LDB2: variants seen among roughly 807,000 people sequenced by gnomAD.
The protein encoded by LDB2 is LIM domain-binding protein 2.
LDB2 carries 12 observed loss-of-function variants against 44.3 expected under a neutral mutation model. The observed-to-expected ratio is 0.27, with a 90% CI of 0.17 to 0.44. The LOEUF is 0.44. Among genes scored for constraint, LDB2 ranks in the 20% least tolerant of loss-of-function variants. LDB2 has a pLI of 1.00. For synonymous variants in LDB2, 164 were observed against 174.8 expected (o/e 0.94, Z 0.49); for missense variants, 344 against 473.5 (o/e 0.73, Z 2.54).
chr4:16,749,310 C>A (rs936049901), intron 2 of LDB2, among the ~76,000 whole-genome samples: 1 of 151,462 alleles, frequency 6.6e-6, no homozygotes, highest in African/African-American at 2.4e-5. Flanking sequence ...TGTGGTGGCT[C>A]ATACTTTGGG....
At chr4:16,503,073 A>G (rs1717948794) in intron 7 of LDB2, 200 bp from the exon 8 acceptor site, 1 of 1,538,000 alleles carries the variant, frequency 6.5e-7, no homozygotes, top group Non-Finnish European at 8.7e-7. Flanking sequence ...TGTAACAACC[A>G]CGCGAGTTTA....
intron 7 of LDB2, chr4:16,503,141 T>TA (rs1213831463): frequency 2.6e-6 from 4 of 1,535,242 alleles, no homozygotes; most frequent in Non-Finnish European, 3.5e-6. Flanking sequence ...TCTGCAGAAA[T>TA]AAAAAAATGT....
intron 2 of LDB2, among the ~76,000 whole-genome samples, chr4:16,639,875 C>T (rs1252126109): frequency 6.6e-6 from 1 of 152,250 alleles, no homozygotes; most frequent in Non-Finnish European, 1.5e-5. Flanking sequence ...AGGCAATGGG[C>T]AGATGTGCTC....
At chr4:16,564,695 T>C (rs1388865210) in intron 5 of LDB2, among the ~76,000 whole-genome samples, 2 of 152,222 alleles carry the variant, frequency 1.3e-5, no homozygotes, top group East Asian at 1.9e-4. Context: ...TGTTAAAATA[T>C]ATTAAAGGCA....
chr4:16,855,226 T>C (rs890698689), intron 1 of LDB2, among the ~76,000 whole-genome samples: 1 of 152,116 alleles, frequency 6.6e-6, no homozygotes, highest in South Asian at 2.1e-4. Flanking sequence ...TGCACAGCAA[T>C]AGTGAGAAAA....
At chr4:16,665,024 A>C (rs778571867) in intron 2 of LDB2, among the ~76,000 whole-genome samples, 15 of 152,218 alleles carry the variant, frequency 9.9e-5, no homozygotes, top group Non-Finnish European at 1.8e-4. Flanking sequence ...CACTCAGCCA[A>C]GTATGAACTA....
chr4:16,574,465 C>A (rs1181804429), intron 5 of LDB2, among the ~76,000 whole-genome samples: 1 of 152,188 alleles, frequency 6.6e-6, no homozygotes, highest in East Asian at 1.9e-4. Context: ...CCTGCAGCAT[C>A]AGAATCTCAG....
chr4:16,617,625 G>T (rs1159965032), intron 2 of LDB2, among the ~76,000 whole-genome samples: 1 of 152,136 alleles, frequency 6.6e-6, no homozygotes, highest in East Asian at 1.9e-4. Flanking sequence ...ACCGCAAGAG[G>T]TCAGAGATTC....
intron 2 of LDB2, among the ~76,000 whole-genome samples, chr4:16,731,780 C>T (rs1424586635): frequency 6.6e-6 from 1 of 152,192 alleles, no homozygotes; most frequent in Non-Finnish European, 1.5e-5. Context: ...GTCTCCACAT[C>T]CCTTGGTCTG....
At chr4:16,624,157 T>C (rs1164707847) in intron 2 of LDB2, among the ~76,000 whole-genome samples, 1 of 152,236 alleles carries the variant, frequency 6.6e-6, no homozygotes, top group Non-Finnish European at 1.5e-5. Context: ...AAGAAGTAAC[T>C]ATGTGAGACG....
intron 1 of LDB2, among the ~76,000 whole-genome samples, chr4:16,811,739 T>C (rs763824576): frequency 1.3e-5 from 2 of 152,204 alleles, no homozygotes; most frequent in Admixed American, 6.5e-5. Context: ...CATTACGTTC[T>C]CCATTGGGGA....
At chr4:16,525,129 C>T (rs1219824150) in intron 5 of LDB2, among the ~76,000 whole-genome samples, 1 of 152,166 alleles carries the variant, frequency 6.6e-6, no homozygotes, top group Non-Finnish European at 1.5e-5. Flanking sequence ...ACACCTGCCT[C>T]CTGCCCTGGG....
intron 2 of LDB2, among the ~76,000 whole-genome samples, chr4:16,636,462 GAGT>G (rs1406182529): frequency 6.6e-6 from 1 of 152,188 alleles, no homozygotes; most frequent in Non-Finnish European, 1.5e-5. Flanking sequence ...CCAGTCTGTC[GAGT>G]AGATTAAATG....
chr4:16,627,386 A>T (rs541650690), intron 2 of LDB2, among the ~76,000 whole-genome samples: 1 of 152,346 alleles, frequency 6.6e-6, no homozygotes, highest in African/African-American at 2.4e-5. Context: ...AGACTCCCCC[A>T]GTCCACTCTT....
chr4:16,775,435 C>T (rs1291064532), intron 1 of LDB2, among the ~76,000 whole-genome samples: 4 of 152,056 alleles, frequency 2.6e-5, no homozygotes, highest in African/African-American at 9.7e-5. Flanking sequence ...TCTCATCTGC[C>T]TTCACTGTAA....
intron 2 of LDB2, among the ~76,000 whole-genome samples, chr4:16,646,352 T>A (rs1399853999): frequency 6.6e-6 from 1 of 152,190 alleles, no homozygotes; most frequent in Non-Finnish European, 1.5e-5. Flanking sequence ...GAATATTAGA[T>A]CCTTCTTCCC....
At chr4:16,503,000 C>G (rs1166310760) in intron 7 of LDB2, 127 bp from the exon 8 acceptor site, 34 of 1,596,624 alleles carry the variant, frequency 2.1e-5, no homozygotes, top group Non-Finnish European at 2.8e-5. Flanking sequence ...GGGGTCAAGT[C>G]TCAATGTCGG....
At chr4:16,865,267 C>G (rs925298338) in intron 1 of LDB2, among the ~76,000 whole-genome samples, 2 of 152,058 alleles carry the variant, frequency 1.3e-5, no homozygotes, top group African/African-American at 4.8e-5. Flanking sequence ...AAGAAAGAAA[C>G]AAAGAGCCCA....
At chr4:16,809,283 G>C (rs1260944841) in intron 1 of LDB2, among the ~76,000 whole-genome samples, 1 of 152,102 alleles carries the variant, frequency 6.6e-6, no homozygotes, top group Non-Finnish European at 1.5e-5. Context: ...CATTACTTTT[G>C]TATATAAGCT....
Sources: gnomAD v4.1 joint callset for allele counts (sites outside exome capture counted in the v4.1 genomes callset) on GRCh38, gnomAD v4.1.1 for gene constraint, MANE v1.5 for transcripts, NCBI Gene and HGNC (gene_info 2026-07-23, HGNC 2026-07-21) for gene names.